Variants in CDK17 observed in about 807,000 individuals in gnomAD.
The protein encoded by CDK17 is cyclin-dependent kinase 17.
CDK17 carries 24 observed loss-of-function variants against 77.6 expected under a neutral mutation model. That is an observed-to-expected ratio of 0.31 (90% CI 0.22 to 0.44). The LOEUF (loss-of-function observed/expected upper bound fraction) is 0.44. Ranked by LOEUF, CDK17 falls within the 20% of genes least tolerant of loss-of-function variation. CDK17 has a pLI of 1.00. For missense variants in CDK17, 429 were observed against 622.5 expected, an observed-to-expected ratio of 0.69 and a Z score of 3.31; for synonymous variants, 203 against 210.4, an observed-to-expected ratio of 0.96 and a Z score of 0.30.
intron 3 of CDK17, among the ~76,000 whole-genome samples, chr12:96,322,417 A>G (rs752591738): frequency 5.3e-5 from 8 of 152,096 alleles, no homozygotes; most frequent in Non-Finnish European, 1.0e-4. Context: ...TTAAAGGATT[A>G]TTAAACAGAG....
intron 1 of CDK17, among the ~76,000 whole-genome samples, chr12:96,370,655 A>G (rs551820147): frequency 1.3e-5 from 2 of 152,308 alleles, no homozygotes; most frequent in East Asian, 3.9e-4. Flanking sequence ...CCGGTGTACA[A>G]TGGAGTTTTC....
intron 1 of CDK17, among the ~76,000 whole-genome samples, chr12:96,349,602 A>G (rs1236778495): frequency 6.6e-6 from 1 of 152,088 alleles, no homozygotes; most frequent in Non-Finnish European, 1.5e-5. Context: ...CTCAATAAAC[A>G]AAAGAGAAAG....
At chr12:96,308,617 T>C (rs1229383472) in intron 5 of CDK17, among the ~76,000 whole-genome samples, 1 of 151,024 alleles carries the variant, frequency 6.6e-6, no homozygotes. Flanking sequence ...TAATCCCAGC[T>C]ACTCGGGAGG....
chr12:96,383,857 A>T (rs1028298747), intron 1 of CDK17, among the ~76,000 whole-genome samples: 4 of 152,204 alleles, frequency 2.6e-5, no homozygotes, highest in Admixed American at 2.6e-4. Context: ...ATTGGCAAAG[A>T]ATTTATGGCT....
intron 1 of CDK17, among the ~76,000 whole-genome samples, chr12:96,343,518 C>T (rs1393153057): frequency 6.6e-6 from 1 of 152,184 alleles, no homozygotes; most frequent in Non-Finnish European, 1.5e-5. Context: ...TCTGGGGCTA[C>T]CGGGCAGGGG....
chr12:96,294,608 A>G (rs1952377125), intron 10 of CDK17, among the ~76,000 whole-genome samples: 1 of 151,090 alleles, frequency 6.6e-6, no homozygotes, highest in South Asian at 2.1e-4. Context: ...AAAAAAAAAA[A>G]AAAGATATAT....
intron 1 of CDK17, among the ~76,000 whole-genome samples, chr12:96,355,638 C>T (rs1953382690): frequency 6.6e-6 from 1 of 152,044 alleles, no homozygotes; most frequent in Admixed American, 6.5e-5. Context: ...CGCCTCTTGA[C>T]CTTGTGATCC....
At chr12:96,332,193 C>T (rs1952982598) in intron 2 of CDK17, among the ~76,000 whole-genome samples, 1 of 152,132 alleles carries the variant, frequency 6.6e-6, no homozygotes, top group African/African-American at 2.4e-5. Flanking sequence ...ACCATGTAGG[C>T]TAGGTGTGTA....
chr12:96,329,856 A>C (rs554987713), intron 2 of CDK17, among the ~76,000 whole-genome samples: 3 of 152,348 alleles, frequency 2.0e-5, no homozygotes, highest in Admixed American at 2.0e-4. Flanking sequence ...AAACTTGACA[A>C]ATTGCTCCAG....
chr12:96,299,048 T>C, intron 6 of CDK17, 65 bp from the exon 7 acceptor site: 1 of 728,156 alleles, frequency 1.4e-6, no homozygotes, highest in Non-Finnish European at 2.3e-6. Context: ...TACCATCTTA[T>C]AATAAAGAGC....
At chr12:96,330,336 GAA>G (rs2137135890) in intron 2 of CDK17, among the ~76,000 whole-genome samples, 1 of 152,072 alleles carries the variant, frequency 6.6e-6, no homozygotes, top group East Asian at 1.9e-4. Flanking sequence ...GTTTATGAGG[GAA>G]AGCTGAAGCT....
intron 1 of CDK17, among the ~76,000 whole-genome samples, chr12:96,357,892 G>A (rs904509269): frequency 2.6e-5 from 4 of 152,052 alleles, no homozygotes; most frequent in East Asian, 1.9e-4. Context: ...CAACATGTCC[G>A]TAATAGCATA....
chr12:96,300,363 G>A lies in CDK17; in HGVS notation c.544-3C>T. 6.5e-7 allele frequency: 1 copy of A among 1,535,886 alleles called. No individual in the cohort carries two copies. Among genetic ancestry groups the A allele is most frequent in the Non-Finnish European group, 8.9e-7 (1 of 1,120,850 alleles). ...ATTTTTCCAAAGCCAATTTCTGACT[G>A]AAAAGTAAACAATGAAAAATGTAGT... On this transcript the variant is annotated splice_region_variant and splice_polypyrimidine_tract_variant and intron_variant, in intron 5 of 16. Transcript: ENST00000261211.
intron 1 of CDK17, among the ~76,000 whole-genome samples, chr12:96,340,146 A>G (rs1953103071): frequency 6.6e-6 from 1 of 151,904 alleles, no homozygotes; most frequent in South Asian, 2.1e-4. Flanking sequence ...AGAGAGTCTA[A>G]GAGAAAAAAA....
intron 3 of CDK17, among the ~76,000 whole-genome samples, chr12:96,316,098 C>A (rs1178361174): frequency 6.6e-6 from 1 of 152,114 alleles, no homozygotes; most frequent in African/African-American, 2.4e-5. Context: ...AGTGTGTGTG[C>A]GCACCGTGCA....
At chr12:96,297,814 T>G in intron 7 of CDK17, 93 bp from the exon 8 acceptor site, 2 of 709,368 alleles carry the variant, frequency 2.8e-6, no homozygotes, top group Non-Finnish European at 4.9e-6. Flanking sequence ...AAAGATTCTC[T>G]TAAGTTTAGG....
intron 2 of CDK17, among the ~76,000 whole-genome samples, chr12:96,330,294 CAA>C (rs925118380): frequency 3.7e-5 from 5 of 134,888 alleles, no homozygotes; most frequent in Non-Finnish European, 1.6e-5. Flanking sequence ...GCAGTGACAG[CAA>C]AAAAAAAAAA....
At chr12:96,367,274 G>A (rs1953601593) in intron 1 of CDK17, among the ~76,000 whole-genome samples, 1 of 148,438 alleles carries the variant, frequency 6.7e-6, no homozygotes. Flanking sequence ...GAGCCTAGGA[G>A]GTGGAGGTTG....
chr12:96,325,471 C>A (rs1312670706), intron 2 of CDK17, among the ~76,000 whole-genome samples: 1 of 152,234 alleles, frequency 6.6e-6, no homozygotes, highest in East Asian at 1.9e-4. Context: ...ACAAGAAAAT[C>A]TTAGGATCCG....
Sources: allele counts gnomAD v4.1 joint callset (sites outside exome capture counted in the v4.1 genomes callset), GRCh38; gene constraint gnomAD v4.1.1; transcripts MANE v1.5; gene names NCBI Gene and HGNC (gene_info 2026-07-23, HGNC 2026-07-21).